Variants in GPD1L observed in about 807,000 individuals in gnomAD.
GPD1L encodes glycerol-3-phosphate dehydrogenase 1 like, also known as glycerol-3-phosphate dehydrogenase 1-like protein.
A neutral mutation model predicts 32.9 loss-of-function variants in GPD1L; 17 were observed. The observed-to-expected ratio is 0.52, with a 90% CI of 0.35 to 0.78. The LOEUF is 0.78. Ranked by LOEUF, GPD1L falls within the 30% of genes least tolerant of loss-of-function variation. The pLI is 0.01. For missense variants in GPD1L, 361 were observed against 447.8 expected, an observed-to-expected ratio of 0.81 and a Z score of 1.75; for synonymous variants, 187 against 165.9, an observed-to-expected ratio of 1.13 and a Z score of -0.98.
At chr3:32,110,109 G>A (rs1331399544) in intron 1 of GPD1L, among the ~76,000 whole-genome samples, 3 of 152,204 alleles carry the variant, frequency 2.0e-5, no homozygotes, top group East Asian at 1.9e-4. Context: ...TAGTAGAGAC[G>A]AGGTTTCACT....
chr3:32,113,564 C>T (rs1368946955), intron 1 of GPD1L, among the ~76,000 whole-genome samples: 2 of 152,134 alleles, frequency 1.3e-5, no homozygotes, highest in Non-Finnish European at 2.9e-5. Flanking sequence ...CTCACTGTGC[C>T]AGAAGTGTCC....
At chr3:32,161,884 C>T (rs1701078131) in intron 7 of GPD1L, among the ~76,000 whole-genome samples, 2 of 152,176 alleles carry the variant, frequency 1.3e-5, no homozygotes, top group Non-Finnish European at 2.9e-5. Context: ...CCCTGGGACT[C>T]CTCCCCATTC....
Position 32,130,366 on chromosome 3 carries a change from C to G in GPD1L, c.225+2113C>G, listed in dbSNP as rs1419493508. ...CTCACCCTCCAGCCTCAGGTAGCCA[C>G]CTAAAAGTACAGTTTTTAATCATTG... On this transcript the variant is annotated intron_variant, in intron 2 of 7. Transcript: ENST00000282541. 2.6e-5 allele frequency among the ~76,000 whole-genome samples: 4 copies of G among 152,292 alleles called. No individual in the cohort carries two copies. The East Asian group carries it at 7.7e-4, about 29-fold the overall frequency.
chr3:32,159,371 C>A (rs939290195), intron 6 of GPD1L, among the ~76,000 whole-genome samples, 197 bp from the exon 7 acceptor site: 2 of 151,680 alleles, frequency 1.3e-5, no homozygotes, highest in Non-Finnish European at 2.9e-5. Context: ...TGGCTCATGC[C>A]TGTAATCCCA....
chr3:32,123,635 G>A (rs1032074798), intron 1 of GPD1L, among the ~76,000 whole-genome samples: 5 of 152,066 alleles, frequency 3.3e-5, no homozygotes, highest in Non-Finnish European at 5.9e-5. Flanking sequence ...GTGGCTGCTC[G>A]TGCCCTTGAC....
chr3:32,147,169 C>T (rs1447514115), intron 5 of GPD1L, among the ~76,000 whole-genome samples: 1 of 151,790 alleles, frequency 6.6e-6, no homozygotes, highest in Non-Finnish European at 1.5e-5. Flanking sequence ...AAATAATCTG[C>T]TGCTGGTAGA....
chr3:32,129,689 C>G (rs1399827582), intron 2 of GPD1L, among the ~76,000 whole-genome samples: 1 of 152,114 alleles, frequency 6.6e-6, no homozygotes, highest in African/African-American at 2.4e-5. Context: ...CAGCATTTCC[C>G]TACAGTTATT....
chr3:32,117,652 A>T lies in GPD1L; in HGVS notation c.48-10424A>T, dbSNP rs1700352445. Among the ~76,000 whole-genome samples the T allele has an allele frequency of 2.0e-5, 3 of 152,194 alleles. No individual in the cohort carries two copies. In the South Asian group the frequency reaches 6.2e-4, roughly 32 times the overall value. ...GCATGGTTCTTTCCATTATCAATAG[A>T]TGGGCTTGCAGAATGTATTTATCTA... On this transcript the variant is annotated intron_variant, in intron 1 of 7. Transcript: ENST00000282541.
intron 5 of GPD1L, among the ~76,000 whole-genome samples, chr3:32,154,766 T>C (rs1436020233): frequency 6.6e-6 from 1 of 152,102 alleles, no homozygotes; most frequent in Non-Finnish European, 1.5e-5. Flanking sequence ...TTTTTTTTTT[T>C]TGAGACAGGC....
chr3:32,118,917 A>G (rs944786949), intron 1 of GPD1L, among the ~76,000 whole-genome samples: 1 of 152,320 alleles, frequency 6.6e-6, no homozygotes, highest in African/African-American at 2.4e-5. Flanking sequence ...AATGTCTTCA[A>G]GGTTCATCCA....
intron 3 of GPD1L, 81 bp from the exon 4 acceptor site, chr3:32,140,147 G>T (rs1435871436): frequency 1.4e-6 from 2 of 1,424,074 alleles, no homozygotes; most frequent in Non-Finnish European, 2.0e-6. Flanking sequence ...TTTTCAAGTT[G>T]TGTAGCCATG....
intron 1 of GPD1L, among the ~76,000 whole-genome samples, chr3:32,122,825 A>C (rs990860093): frequency 1.4e-4 from 22 of 152,342 alleles, no homozygotes; most frequent in African/African-American, 4.6e-4. Context: ...TCATGCAGGC[A>C]GCACCCTTAT....
At chr3:32,149,027 A>G (rs907528055) in intron 5 of GPD1L, among the ~76,000 whole-genome samples, 2 of 152,148 alleles carry the variant, frequency 1.3e-5, no homozygotes, top group Admixed American at 1.3e-4. Context: ...CAAAAACTAG[A>G]TATTAGTGTT....
At chr3:32,141,000 A>G (rs1700734840) in intron 4 of GPD1L, among the ~76,000 whole-genome samples, 1 of 152,244 alleles carries the variant, frequency 6.6e-6, no homozygotes, top group Non-Finnish European at 1.5e-5. Context: ...AGAATTCTCA[A>G]GTGTCCGTGT....
chr3:32,127,562 GGCC>G (rs1209662458), intron 1 of GPD1L, among the ~76,000 whole-genome samples: 3 of 152,234 alleles, frequency 2.0e-5, no homozygotes, highest in Non-Finnish European at 2.9e-5. Flanking sequence ...GGGGGCCAGA[GGCC>G]GGCTTGGTTG....
intron 7 of GPD1L, among the ~76,000 whole-genome samples, chr3:32,160,856 G>A (rs745639016): frequency 6.6e-6 from 1 of 152,102 alleles, no homozygotes; most frequent in African/African-American, 2.4e-5. Context: ...GAGCATGATT[G>A]TGGAGGACCA....
Position 32,165,487 on chromosome 3 carries a change from G to A in GPD1L, c.960-327G>A, listed in dbSNP as rs150657570. Among the ~76,000 whole-genome samples, 877 of 151,420 alleles carry A rather than the reference G, an allele frequency of 5.8e-3. 2 individuals are homozygous for A. The highest frequency in any genetic ancestry group is 0.014 in the Middle Eastern group (4 of 294). On this transcript the variant is annotated intron_variant, in intron 7 of 7. Coordinates refer to ENST00000282541, the MANE Select transcript of GPD1L (RefSeq NM_015141.4). ...ACTTTTAAAATAATGACAGAATATA[G>A]ACTCCTCCAAGATTTGACCAAGAGT...
chr3:32,167,229 T>C lies in GPD1L; in HGVS notation c.*1319T>C, dbSNP rs897080212. 8.5e-5 allele frequency: 13 copies of C among 152,230 alleles called. No homozygotes were observed. Among genetic ancestry groups the C allele is most frequent in the African/African-American group, 2.7e-4 (11 of 41,454 alleles). The allele number at this position is 152,230 out of a possible 1,614,324, so 9.4% of individuals were successfully genotyped here. A position where few individuals can be genotyped will look rare whatever the true frequency, so the allele number is the denominator to read the frequency against. ...TCAAGTGAGTCTGGGAAACACTATG[T>C]CTGTACACCTCTTGAAGGTGTCGAA... On this transcript the variant is annotated 3_prime_UTR_variant, in exon 8 of 8. Coordinates refer to ENST00000282541, the MANE Select transcript of GPD1L (RefSeq NM_015141.4).
At chr3:32,154,532 G>A (rs1700961299) in intron 5 of GPD1L, among the ~76,000 whole-genome samples, 1 of 152,066 alleles carries the variant, frequency 6.6e-6, no homozygotes, top group African/African-American at 2.4e-5. Flanking sequence ...GCCTCTCTGT[G>A]CCTTTCACTC....
Sources: gnomAD v4.1 joint callset for allele counts (sites outside exome capture counted in the v4.1 genomes callset) on GRCh38, gnomAD v4.1.1 for gene constraint, MANE v1.5 for transcripts, NCBI Gene and HGNC (gene_info 2026-07-23, HGNC 2026-07-21) for gene names.